The following ANAPC10 variants were observed in gnomAD, a reference collection of about 807,000 sequenced individuals.
The protein encoded by ANAPC10 is anaphase-promoting complex subunit 10.
In ANAPC10, 12 loss-of-function variants were observed where a neutral mutation model predicts 22.0. The ratio of observed to expected loss-of-function variants is 0.55; its 90% CI spans 0.35 to 0.88. ANAPC10 has a LOEUF of 0.88. Ranked by LOEUF, ANAPC10 falls within the 40% of genes least tolerant of loss-of-function variation. The pLI is 0.01. For missense variants in ANAPC10, 188 were observed against 220.9 expected (o/e 0.85, Z 0.94); for synonymous variants, 65 against 69.5 (o/e 0.94, Z 0.32).
chr4:145,071,328 T>A (rs1744460362), intron 3 of ANAPC10, among the ~76,000 whole-genome samples: 2 of 152,026 alleles, frequency 1.3e-5, no homozygotes, highest in South Asian at 4.2e-4. Context: ...ATTGCTTGAA[T>A]CTGGGAGGCA....
intron 2 of ANAPC10, among the ~76,000 whole-genome samples, chr4:145,083,293 T>C (rs1746361068): frequency 6.6e-6 from 1 of 152,178 alleles, no homozygotes; most frequent in Admixed American, 6.5e-5. Flanking sequence ...TAAGGTTGTA[T>C]ATTCTACCAC....
At chr4:145,031,645 C>G (rs535748127) in intron 4 of ANAPC10, among the ~76,000 whole-genome samples, 1 of 152,180 alleles carries the variant, frequency 6.6e-6, no homozygotes, top group African/African-American at 2.4e-5. Flanking sequence ...TGCTCTGCCA[C>G]TTGGGCCATA....
At chr4:145,007,490 A>G (rs552801081) in intron 4 of ANAPC10, among the ~76,000 whole-genome samples, 130 of 151,396 alleles carry the variant, frequency 8.6e-4, no homozygotes, top group African/African-American at 2.8e-3. Context: ...TCAGACCACA[A>G]TGCAATCAAA....
intron 2 of ANAPC10, among the ~76,000 whole-genome samples, chr4:145,086,371 A>C (rs1274643485): frequency 1.3e-5 from 2 of 152,198 alleles, no homozygotes; most frequent in Non-Finnish European, 2.9e-5. Context: ...ACACAGAAAA[A>C]AACTTTTATA....
At chr4:145,089,020 CA>C (rs1223947918) in intron 2 of ANAPC10, among the ~76,000 whole-genome samples, 2 of 152,140 alleles carry the variant, frequency 1.3e-5, no homozygotes, top group Admixed American at 1.3e-4. Context: ...AATCTTTGCA[CA>C]ATGAATTCTT....
intron 4 of ANAPC10, among the ~76,000 whole-genome samples, chr4:145,018,465 C>A (rs1386981890): frequency 6.6e-6 from 1 of 151,892 alleles, no homozygotes; most frequent in African/African-American, 2.4e-5. Flanking sequence ...GAAACCCCAT[C>A]TCTACTAAAA....
At chr4:145,062,068 G>GAA (rs796106126) in intron 4 of ANAPC10, among the ~76,000 whole-genome samples, 1 of 124,332 alleles carries the variant, frequency 8.0e-6, no homozygotes, top group Non-Finnish European at 1.8e-5. Context: ...GTCAAAAAAA[G>GAA]AAAAAAAAAA....
At chr4:145,052,752 G>A (rs1741310395) in intron 4 of ANAPC10, among the ~76,000 whole-genome samples, 1 of 152,018 alleles carries the variant, frequency 6.6e-6, no homozygotes, top group Non-Finnish European at 1.5e-5. Context: ...GCCAGGTGTG[G>A]TGGTGCACAC....
At position 145,016,875 on chromosome 4, in the gene ANAPC10, A is replaced by G. The variant is rs1288556481; in HGVS notation, c.328-21272T>C. On this transcript the variant is annotated intron_variant, in intron 4 of 4. Coordinates refer to ENST00000507656, the MANE Select transcript of ANAPC10 (RefSeq NM_001256706.2). ...GACAAAAACAAGAAATGGGGAAAGG[A>G]TTCCCTATTTAATAAATGGTGTTGG... 2.0e-5 allele frequency among the ~76,000 whole-genome samples: 3 copies of G among 152,332 alleles called. No individual in the cohort carries two copies. In the East Asian group the frequency reaches 5.8e-4, roughly 29 times the overall value.
chr4:145,068,038 G>A (rs12331496), intron 3 of ANAPC10, among the ~76,000 whole-genome samples: 14,424 of 152,134 alleles, frequency 0.095, 827 homozygotes, highest in South Asian at 0.18. Flanking sequence ...ACAACCTTGA[G>A]GATAAAATCT....
intron 4 of ANAPC10, among the ~76,000 whole-genome samples, chr4:145,054,237 T>C (rs1388376598): frequency 6.6e-6 from 1 of 151,232 alleles, no homozygotes; most frequent in African/African-American, 2.4e-5. Flanking sequence ...AGCAACATGT[T>C]AGTCGCCAGA....
chr4:145,094,179 C>A (rs1748130001), intron 2 of ANAPC10, among the ~76,000 whole-genome samples: 1 of 152,180 alleles, frequency 6.6e-6, no homozygotes, highest in Non-Finnish European at 1.5e-5. Flanking sequence ...AAGGAATAAA[C>A]TACAGATATG....
chr4:145,045,070 A>G (rs1049878747), intron 4 of ANAPC10, among the ~76,000 whole-genome samples: 1 of 152,174 alleles, frequency 6.6e-6, no homozygotes, highest in African/African-American at 2.4e-5. Flanking sequence ...AAGATGCAGA[A>G]AGCACTAATA....
chr4:145,026,920 CATAT>C (rs150548781), intron 4 of ANAPC10, among the ~76,000 whole-genome samples: 383 of 17,034 alleles, frequency 0.022, 27 homozygotes, highest in East Asian at 0.2. Context: ...CCTATACATA[CATAT>C]ATATATATAT....
At chr4:145,001,360 C>G (rs896953086) in intron 4 of ANAPC10, among the ~76,000 whole-genome samples, 2 of 151,920 alleles carry the variant, frequency 1.3e-5, no homozygotes, top group African/African-American at 4.8e-5. Context: ...AATACACCAG[C>G]CACAAAAAGA....
In ANAPC10 at chr4:145,096,047, C is replaced by T; in HGVS notation, c.53G>A (p.Arg18Lys). The T allele has an allele frequency of 6.2e-7, 1 of 1,614,158 alleles. No homozygotes were observed. Among genetic ancestry groups the T allele is most frequent in the East Asian group, 2.2e-5 (1 of 44,882 alleles). The change falls in exon 2 of 5, where the codon AGG (arginine) becomes AAG (lysine). Residue 18 changes from arginine to lysine, a missense_variant. Physicochemically the swap from Arg to Lys is conservative, Grantham distance 26 (BLOSUM62 2). Transcript: ENST00000507656. ...PPGADPKQLE[R>K]TGTVREIGSQ... Reference sequence around the variant, plus strand: ...CCCAATTTCCCGTACTGTTCCAGTCCTTTCCAACTGCTTGGGGTCAGCACC... The same window carrying T: ...CCCAATTTCCCGTACTGTTCCAGTCTTTTCCAACTGCTTGGGGTCAGCACC...
At chr4:145,039,767 G>A (rs1472537131) in intron 4 of ANAPC10, among the ~76,000 whole-genome samples, 9 of 151,736 alleles carry the variant, frequency 5.9e-5, no homozygotes. Context: ...CCTAATTTTT[G>A]TATTTTTCAG....
At chr4:144,998,299 C>A (rs1382420490) in intron 4 of ANAPC10, among the ~76,000 whole-genome samples, 1 of 152,192 alleles carries the variant, frequency 6.6e-6, no homozygotes, top group Non-Finnish European at 1.5e-5. Flanking sequence ...CACCACATTG[C>A]ACTTATTCCA....
At chr4:145,070,084 C>T (rs1744273754) in intron 3 of ANAPC10, among the ~76,000 whole-genome samples, 1 of 151,934 alleles carries the variant, frequency 6.6e-6, no homozygotes, top group South Asian at 2.1e-4. Context: ...TTCTGAAGTC[C>T]TCAATAAAAG....
Sources: allele counts gnomAD v4.1 joint callset (sites outside exome capture counted in the v4.1 genomes callset), GRCh38; gene constraint gnomAD v4.1.1; transcripts MANE v1.5; gene names NCBI Gene and HGNC (gene_info 2026-07-23, HGNC 2026-07-21).